Variants in OR1B1 observed in about 807,000 individuals in gnomAD.
OR1B1 encodes olfactory receptor 1B1.
For synonymous variants in OR1B1, 168 were observed against 156.2 expected, an observed-to-expected ratio of 1.08 and a Z score of -0.57; for missense variants, 414 against 402.1, an observed-to-expected ratio of 1.03 and a Z score of -0.25.
At chr9:122,644,901 A>G in the OR1B1 span, among the ~76,000 whole-genome samples, 1 of 152,192 alleles carries the variant, frequency 6.6e-6, no homozygotes, top group Non-Finnish European at 1.5e-5. Flanking sequence ...ATCTACAAGC[A>G]TCAACGTCAT....
At chr9:122,631,238 A>T (rs373884835), upstream of OR1B1, among the ~76,000 whole-genome samples, 75 of 151,012 alleles carry the variant, frequency 5.0e-4, 2 homozygotes, top group African/African-American at 1.8e-3. Context: ...GTGCAGTGGC[A>T]CGATCTCGGC....
At chr9:122,639,923 T>C in the OR1B1 span, among the ~76,000 whole-genome samples, 1 of 152,052 alleles carries the variant, frequency 6.6e-6, no homozygotes, top group Non-Finnish European at 1.5e-5. Flanking sequence ...CTAACATTTT[T>C]TGAGCCCTTT....
At chr9:122,649,411 TTAAAC>T in the OR1B1 span, among the ~76,000 whole-genome samples, 2 of 152,170 alleles carry the variant, frequency 1.3e-5, no homozygotes, top group South Asian at 4.1e-4. Context: ...TGGGATCTAA[TTAAAC>T]TAAAGAGTTT....
At chr9:122,634,206 CA>C (rs946880751), upstream of OR1B1, among the ~76,000 whole-genome samples, 1 of 151,774 alleles carries the variant, frequency 6.6e-6, no homozygotes, top group Non-Finnish European at 1.5e-5. Context: ...CGTGGTGGCA[CA>C]TACCTGTAAT....
chr9:122,634,741 A>G, the OR1B1 span, among the ~76,000 whole-genome samples: 2 of 152,196 alleles, frequency 1.3e-5, no homozygotes, highest in African/African-American at 4.8e-5. Flanking sequence ...ATGCATCCAA[A>G]GATATACAAA....
exon 1 of OR1B1, chr9:122,629,316 C>T: frequency 6.2e-7 from 1 of 1,613,954 alleles, no homozygotes. Context: ...GTGGATAGCC[C>T]CATGTCTATC....
At chr9:122,643,878 T>C in the OR1B1 span, among the ~76,000 whole-genome samples, 1 of 152,180 alleles carries the variant, frequency 6.6e-6, no homozygotes. Context: ...ACCCACTGTC[T>C]TGATGGAAAG....
chr9:122,648,746 A>C, the OR1B1 span, among the ~76,000 whole-genome samples: 22 of 152,226 alleles, frequency 1.4e-4, no homozygotes, highest in Non-Finnish European at 3.1e-4. Context: ...CAAGGAAATA[A>C]GAGAGGATAC....
the OR1B1 span, among the ~76,000 whole-genome samples, chr9:122,654,485 A>C: frequency 5.3e-5 from 8 of 152,144 alleles, no homozygotes; most frequent in East Asian, 1.5e-3. Context: ...GGTTTTGACA[A>C]TATTTTTGTT....
At chr9:122,628,382 T>G (rs946863720), downstream of OR1B1, among the ~76,000 whole-genome samples, 5 of 152,174 alleles carry the variant, frequency 3.3e-5, no homozygotes, top group African/African-American at 1.2e-4. Context: ...GGTATGCTGA[T>G]AAGGGAGCCC....
upstream of OR1B1, among the ~76,000 whole-genome samples, chr9:122,631,199 C>T (rs534600157): frequency 2.4e-3 from 363 of 149,820 alleles, 3 homozygotes; most frequent in African/African-American, 3.9e-3. Flanking sequence ...TTTTTTGAGA[C>T]GGAATCTCGT....
the OR1B1 span, among the ~76,000 whole-genome samples, chr9:122,645,341 GA>G: frequency 5.3e-5 from 8 of 152,118 alleles, no homozygotes; most frequent in South Asian, 1.7e-3. Context: ...AGAGGAGGTA[GA>G]AAGAGAGAAA....
At chr9:122,651,992 G>T in the OR1B1 span, among the ~76,000 whole-genome samples, 1 of 152,056 alleles carries the variant, frequency 6.6e-6, no homozygotes, top group Non-Finnish European at 1.5e-5. Context: ...GAAGAAAAAA[G>T]GTCTTGCTAT....
chr9:122,653,830 A>G, the OR1B1 span, among the ~76,000 whole-genome samples: 1 of 152,212 alleles, frequency 6.6e-6, no homozygotes, highest in Non-Finnish European at 1.5e-5. Context: ...AAGAGCTCTT[A>G]TTAATTGAGA....
chr9:122,631,602 G>T (rs554866115), upstream of OR1B1, among the ~76,000 whole-genome samples: 6 of 152,318 alleles, frequency 3.9e-5, no homozygotes, highest in African/African-American at 1.4e-4. Flanking sequence ...AGGTAGTGAT[G>T]GCAGGTGACA....
the OR1B1 span, among the ~76,000 whole-genome samples, chr9:122,654,746 C>T: frequency 3.6e-3 from 548 of 152,280 alleles, 3 homozygotes; most frequent in African/African-American, 0.013. Flanking sequence ...CTAGATTCCA[C>T]ATAGAAGTGA....
chr9:122,650,259 G>A, the OR1B1 span, among the ~76,000 whole-genome samples: 6 of 151,968 alleles, frequency 3.9e-5, no homozygotes, highest in African/African-American at 7.3e-5. Context: ...GTGGGTGGGG[G>A]GCTAGAGGAG....
chr9:122,635,926 T>TC, the OR1B1 span, among the ~76,000 whole-genome samples: 1 of 152,116 alleles, frequency 6.6e-6, no homozygotes, highest in African/African-American at 2.4e-5. Flanking sequence ...TTCTAGAAAA[T>TC]CAGGAAATAA....
the OR1B1 span, among the ~76,000 whole-genome samples, chr9:122,656,977 G>A: frequency 1.3e-5 from 2 of 151,902 alleles, no homozygotes; most frequent in African/African-American, 2.4e-5. Context: ...TTCTTTAAAA[G>A]TTATCAATAT....
Sources: gnomAD v4.1 joint callset for allele counts (sites outside exome capture counted in the v4.1 genomes callset) on GRCh38, gnomAD v4.1.1 for gene constraint, MANE v1.5 for transcripts, NCBI Gene and HGNC (gene_info 2026-07-23, HGNC 2026-07-21) for gene names.